EBF3: variants seen among roughly 807,000 people sequenced by gnomAD.
EBF3 encodes the protein transcription factor COE3.
A neutral mutation model predicts 77.1 loss-of-function variants in EBF3; 18 were observed. The ratio of observed to expected loss-of-function variants is 0.23; its 90% confidence interval spans 0.16 to 0.35. The LOEUF (loss-of-function observed/expected upper bound fraction) is 0.35. EBF3 is among the 10% of genes least tolerant of loss of function. The pLI is 1.00. For synonymous variants in EBF3, 350 were observed against 343.5 expected, an observed-to-expected ratio of 1.02 and a Z score of -0.21; for missense variants, 558 against 860.0, an observed-to-expected ratio of 0.65 and a Z score of 4.39.
In EBF3 at chr10:129,870,342, G is replaced by A. The variant is rs921158522; in HGVS notation, c.782-2430C>T. 6.6e-6 allele frequency among the ~76,000 whole-genome samples: 1 copy of A among 152,128 alleles called. No homozygotes were observed. The stretch of plus-strand genomic sequence containing the variant: ...TACACTCAAGCAGATGACAGGAGCT[G>A]GGCCCGGCAGCTGAAGATGGCAGAG... On this transcript the variant is annotated intron_variant, in intron 8 of 16. Coordinates refer to ENST00000440978, the MANE Select transcript of EBF3 (RefSeq NM_001375380.1). This position sits in a 1 kb window ranked among gnomAD's most constrained non-coding sequence, Gnocchi z 4.4.
intron 14 of EBF3, among the ~76,000 whole-genome samples, 171 bp downstream of exon 14, chr10:129,840,673 A>G (rs1220773525): frequency 6.6e-6 from 1 of 152,136 alleles, no homozygotes; most frequent in Non-Finnish European, 1.5e-5. Flanking sequence ...ATGAGATCAC[A>G]TCGGGCCCGT....
At chr10:129,917,681 T>TAAAAAAAAAAAAAAAAAAAAAAAAAAAAA (rs1239226466) in intron 6 of EBF3, among the ~76,000 whole-genome samples, 91 of 60,408 alleles carry the variant, frequency 1.5e-3, no homozygotes, top group Non-Finnish European at 1.9e-3. Flanking sequence ...AAAAAAAAAC[T>TAAAAAAAAAAAAAAAAAAAAAAAAAAAAA]AAAACCAAGC....
intron 6 of EBF3, among the ~76,000 whole-genome samples, chr10:129,928,025 AG>A (rs1488209111): frequency 1.3e-5 from 2 of 152,138 alleles, no homozygotes; most frequent in African/African-American, 4.8e-5. Context: ...AGAAATGGGG[AG>A]AAGACTGGCA....
chr10:129,877,539 T>A (rs1449877567), intron 7 of EBF3, among the ~76,000 whole-genome samples: 2 of 151,222 alleles, frequency 1.3e-5, no homozygotes, highest in African/African-American at 4.9e-5. Context: ...CTAAGTTCGC[T>A]GTTCGCTATA....
chr10:129,844,651 T>C (rs1850328462), intron 11 of EBF3, among the ~76,000 whole-genome samples: 1 of 152,126 alleles, frequency 6.6e-6, no homozygotes, highest in African/African-American at 2.4e-5. Context: ...GTGCCATACG[T>C]TCCCAGGAAC....
chr10:129,850,920 C>A (rs1229902393), intron 10 of EBF3, among the ~76,000 whole-genome samples: 1 of 152,198 alleles, frequency 6.6e-6, no homozygotes, highest in East Asian at 1.9e-4. Context: ...AGCACCGGGG[C>A]CTCACACACA....
At chr10:129,862,846 T>C (rs878908575) in intron 10 of EBF3, among the ~76,000 whole-genome samples, 1 of 152,220 alleles carries the variant, frequency 6.6e-6, no homozygotes, top group Admixed American at 6.5e-5. Flanking sequence ...TCTTAACCAT[T>C]TGATGCGTTT....
chr10:129,905,622 T>A (rs1006895824), intron 6 of EBF3, among the ~76,000 whole-genome samples: 2 of 152,062 alleles, frequency 1.3e-5, no homozygotes, highest in Non-Finnish European at 2.9e-5. Context: ...GGATGGAGGA[T>A]CCTCCCAGGC....
chr10:129,870,504 C>T lies in EBF3; in HGVS notation c.782-2592G>A, dbSNP rs1397879640. Among the ~76,000 whole-genome samples the T allele has an allele frequency of 2.0e-5, 3 of 152,086 alleles. No individual in the cohort carries two copies. The highest frequency in any genetic ancestry group is 4.4e-5 in the Non-Finnish European group (3 of 68,014). ...AGCGTGGCCCACCCTCCTGGGGCCC[C>T]GAGCTGCCAGGGTCCAGAGAAAGGA... On this transcript the variant is annotated intron_variant, in intron 8 of 16. Transcript: ENST00000440978. The surrounding 1 kb of genome is among the most constrained non-coding windows in gnomAD (Gnocchi z 4.4).
chr10:129,940,076 T>C (rs57388715), intron 6 of EBF3, among the ~76,000 whole-genome samples: 23,445 of 152,222 alleles, frequency 0.15, 1,909 homozygotes, highest in Middle Eastern at 0.22. Context: ...CAGGGCACAA[T>C]GGCGTGAGCT....
chr10:129,843,164 G>T lies in EBF3; in HGVS notation c.1167C>A (p.Ala389=). The T allele has an allele frequency of 6.2e-7, 1 of 1,613,562 alleles. No individual in the cohort carries two copies. The highest frequency in any genetic ancestry group is 8.5e-7 in the Non-Finnish European group (1 of 1,179,752). The part of the protein sequence containing the change: ...LLKRAADLVE[A]LYGMPHNNQE... ...GGTTGTTGTGAGGCATTCCGTATAAGGCTTCCACCAGGTCCGCCGCCCGCT... is the reference window on the plus strand; with the variant it reads ...GGTTGTTGTGAGGCATTCCGTATAATGCTTCCACCAGGTCCGCCGCCCGCT... The change falls in exon 12 of 17, where the codon GCC becomes GCA. Residue 389 remains alanine, a synonymous_variant. Transcript: ENST00000440978.
chr10:129,944,682 G>A lies in EBF3; in HGVS notation c.554+12576C>T, dbSNP rs1019724824. On this transcript the variant is annotated intron_variant, in intron 6 of 16. Coordinates refer to ENST00000440978, the MANE Select transcript of EBF3 (RefSeq NM_001375380.1). The surrounding 1 kb of genome is among the most constrained non-coding windows in gnomAD (Gnocchi z 5.1). Reference sequence around the variant, plus strand: ...CTGCAACTGAGCCTGCTGGTCCACCGAGTATAGTTATACGTATGCCCCATG... The same window carrying A: ...CTGCAACTGAGCCTGCTGGTCCACCAAGTATAGTTATACGTATGCCCCATG... Among the ~76,000 whole-genome samples the A allele has an allele frequency of 2.0e-5, 3 of 152,048 alleles. No homozygotes were observed. The highest frequency in any genetic ancestry group is 6.5e-5 in the Admixed American group (1 of 15,276).
intron 4 of EBF3, among the ~76,000 whole-genome samples, chr10:129,960,425 G>A (rs1480038278): frequency 1.3e-5 from 2 of 152,248 alleles, no homozygotes; most frequent in Non-Finnish European, 2.9e-5. Flanking sequence ...AGTGATGGGT[G>A]TCACCGCAGG....
chr10:129,910,442 A>T (rs1007959178), intron 6 of EBF3, among the ~76,000 whole-genome samples: 3 of 152,218 alleles, frequency 2.0e-5, no homozygotes, highest in African/African-American at 4.8e-5. Context: ...CTGTATATAT[A>T]TTCACAAACC....
In EBF3 at chr10:129,877,923, T is replaced by C. The variant is rs191113142; in HGVS notation, c.555-74A>G. 3.0e-4 allele frequency: 371 copies of C among 1,216,466 alleles called. 2 individuals carry two copies. The African/African-American group carries it at 5.1e-3, about 17-fold the overall frequency. 75.4% of individuals were successfully genotyped at this position (1,216,466 alleles called of 1,614,324 possible). On this transcript the variant is annotated intron_variant, in intron 6 of 16. Coordinates refer to ENST00000440978, the MANE Select transcript of EBF3 (RefSeq NM_001375380.1). ...GACTCAAACTTTTTAAAAGACACTC[T>C]TGCGCAGGGAGGAGTGGAGACTCAA...
intron 6 of EBF3, among the ~76,000 whole-genome samples, chr10:129,945,790 C>T (rs1444402603): frequency 6.6e-6 from 1 of 152,154 alleles, no homozygotes; most frequent in East Asian, 1.9e-4. Context: ...GTCACCGCTC[C>T]CTTCGAGCCT....
intron 10 of EBF3, among the ~76,000 whole-genome samples, chr10:129,858,802 C>T (rs959162617): frequency 2.0e-5 from 3 of 152,140 alleles, no homozygotes; most frequent in South Asian, 2.1e-4. Flanking sequence ...GCTATAAGCT[C>T]TCTATCTGGG....
At chr10:129,907,390 G>C (rs1855220407) in intron 6 of EBF3, among the ~76,000 whole-genome samples, 1 of 152,234 alleles carries the variant, frequency 6.6e-6, no homozygotes, top group Non-Finnish European at 1.5e-5. Flanking sequence ...GGTTTCTTGA[G>C]ATGCTATTGA....
intron 6 of EBF3, among the ~76,000 whole-genome samples, chr10:129,917,666 A>C (rs1439709026): frequency 1.3e-5 from 2 of 149,558 alleles, no homozygotes; most frequent in Non-Finnish European, 3.0e-5. Context: ...AAAAAAAAAA[A>C]AAAAAAAAAA....
Sources: gnomAD v4.1 joint callset for allele counts (sites outside exome capture counted in the v4.1 genomes callset) on GRCh38, gnomAD v4.1.1 for gene constraint, Gnocchi (gnomAD v3.1) non-coding constraint, MANE v1.5 for transcripts, NCBI Gene and HGNC (gene_info 2026-07-23, HGNC 2026-07-21) for gene names.